The following UACA variants were observed in gnomAD, a reference collection of about 807,000 sequenced individuals.
UACA encodes nuclear membrane binding protein.
Under a neutral mutation model 160.5 loss-of-function variants are expected in UACA, and 112 were observed. The ratio of observed to expected loss-of-function variants is 0.70; its 90% CI spans 0.60 to 0.82. The LOEUF (loss-of-function observed/expected upper bound fraction) is 0.82, where lower values mean the gene tolerates loss of function less well. Among genes scored for constraint, UACA ranks in the 40% least tolerant of loss-of-function variants. UACA has a pLI of 0.00. For missense variants in UACA, 1,574 were observed against 1,614.6 expected (o/e 0.97, Z 0.43); for synonymous variants, 557 against 568.4 (o/e 0.98, Z 0.29).
At chr15:70,753,321 C>A (rs569015842) in intron 1 of UACA, among the ~76,000 whole-genome samples, 33 of 152,224 alleles carry the variant, frequency 2.2e-4, no homozygotes, top group African/African-American at 5.8e-4. Context: ...TTTTAAATAA[C>A]AGAATCTATT....
In UACA at chr15:70,663,582, C is replaced by T. The variant is rs147710568; in HGVS notation, c.4113+1080G>A. Among the ~76,000 whole-genome samples the T allele has an allele frequency of 2.5e-3, 382 of 152,070 alleles. 1 individual carries two copies. Among genetic ancestry groups the T allele is most frequent in the Non-Finnish European group, 4.3e-3 (295 of 67,972 alleles). Reference sequence around the variant, plus strand: ...GCTATAAAGACACATATGTTTATTGCGGCACTGTTCACAATAGCAAGGACT... The same window carrying T: ...GCTATAAAGACACATATGTTTATTGTGGCACTGTTCACAATAGCAAGGACT... On this transcript the variant is annotated intron_variant, in intron 17 of 18. Transcript: ENST00000322954.
Position 70,763,347 on chromosome 15 carries a change from C to G in UACA, c.61G>C (p.Ala21Pro). 3.7e-6 allele frequency: 5 copies of G among 1,333,826 alleles called. No individual in the cohort carries two copies. Among genetic ancestry groups the G allele is most frequent in the Non-Finnish European group, 4.8e-6 (5 of 1,036,828 alleles). 82.6% of individuals were successfully genotyped at this position (1,333,826 alleles called of 1,614,324 possible). A position where few individuals can be genotyped will look rare whatever the true frequency, so the allele number is the denominator to read the frequency against. Residue 21 changes from alanine (A) to proline (P), a missense_variant, in exon 1 of 19, where the codon GCC (alanine) becomes CCC (proline). Transcript: ENST00000322954. The part of the protein sequence containing the change: ...QDVPGPASSG[A>P]AAASAHAADW... ...GGACTCACCGCGCTGGCGGCGGCGG[C>G]GCCAGACGACGCGGGGCCGGGCACG...
chr15:70,699,175 T>C (rs1898238927), intron 2 of UACA, among the ~76,000 whole-genome samples: 1 of 152,148 alleles, frequency 6.6e-6, no homozygotes, highest in African/African-American at 2.4e-5. Flanking sequence ...GACCAAAGTA[T>C]TTAACCTCTG....
At chr15:70,703,144 G>A in intron 1 of UACA, 1 of 1,289,094 alleles carries the variant, frequency 7.8e-7, no homozygotes, top group Non-Finnish European at 1.0e-6. Context: ...ACATTACCAA[G>A]GCCGGTGCAA....
At chr15:70,713,750 G>A (rs1290938334) in intron 1 of UACA, among the ~76,000 whole-genome samples, 1 of 151,892 alleles carries the variant, frequency 6.6e-6, no homozygotes, top group African/African-American at 2.4e-5. Flanking sequence ...TTTATATTGA[G>A]CAATATTACC....
intron 1 of UACA, among the ~76,000 whole-genome samples, chr15:70,757,837 T>G (rs2030520656): frequency 6.6e-6 from 1 of 152,232 alleles, no homozygotes; most frequent in Non-Finnish European, 1.5e-5. Context: ...TCCAGAGTCC[T>G]AATCTTTGAC....
At chr15:70,686,234 A>C (rs1457663220) in intron 7 of UACA, among the ~76,000 whole-genome samples, 1 of 150,890 alleles carries the variant, frequency 6.6e-6, no homozygotes, top group Non-Finnish European at 1.5e-5. Context: ...TGGGTGCCGG[A>C]GGTGGTTGAG....
intron 1 of UACA, among the ~76,000 whole-genome samples, chr15:70,725,980 T>C (rs1475767349): frequency 6.6e-6 from 1 of 152,084 alleles, no homozygotes; most frequent in African/African-American, 2.4e-5. Context: ...ACCCCATAAA[T>C]ATATACAAAT....
At chr15:70,762,443 T>C (rs1171247088) in intron 1 of UACA, among the ~76,000 whole-genome samples, 1 of 152,266 alleles carries the variant, frequency 6.6e-6, no homozygotes, top group Admixed American at 6.5e-5. Flanking sequence ...CTTATTTTAA[T>C]GATATAGAAT....
intron 3 of UACA, 113 bp downstream of exon 3, chr15:70,694,904 A>G: frequency 1.1e-6 from 1 of 890,558 alleles, no homozygotes; most frequent in Non-Finnish European, 1.8e-6. Context: ...TTAAAAACAG[A>G]AAATTGAGGA....
intron 1 of UACA, chr15:70,701,797 C>T: frequency 1.5e-6 from 2 of 1,317,348 alleles, no homozygotes; most frequent in Non-Finnish European, 2.1e-6. Context: ...ATTAATAAAA[C>T]AGTAGTGCAT....
chr15:70,669,534 CT>C, intron 15 of UACA, 72 bp from the exon 16 acceptor site: 1 of 1,257,344 alleles, frequency 8.0e-7, no homozygotes, highest in Non-Finnish European at 1.1e-6. Context: ...ATTTGCCAAA[CT>C]TAGAGAAAGT....
At chr15:70,729,360 A>G (rs1021093781) in intron 1 of UACA, among the ~76,000 whole-genome samples, 2 of 152,220 alleles carry the variant, frequency 1.3e-5, no homozygotes, top group African/African-American at 4.8e-5. Flanking sequence ...AGCCATAAAA[A>G]AAGAATGAAA....
chr15:70,707,784 A>G (rs1456976246), intron 1 of UACA, among the ~76,000 whole-genome samples: 1 of 152,196 alleles, frequency 6.6e-6, no homozygotes, highest in Non-Finnish European at 1.5e-5. Context: ...AACAAGTGTT[A>G]GCAAGAATGT....
rs541997216 is a variant in UACA, at chr15:70,763,488, A to C, written c.-81T>G. On this transcript the variant is annotated 5_prime_UTR_variant, in exon 1 of 19. Transcript: ENST00000322954. Reference sequence around the variant, plus strand: ...GCAAGGAGTAGACGGCAGCGGCTGCAGCAGAGGCGGCGCGGGCTGTACCAG... The same window carrying C: ...GCAAGGAGTAGACGGCAGCGGCTGCCGCAGAGGCGGCGCGGGCTGTACCAG... 5 of 1,258,436 alleles carry C rather than the reference A, an allele frequency of 4.0e-6. No individual in the cohort carries two copies. The highest frequency in any genetic ancestry group is 4.2e-5 in the Admixed American group (1 of 23,652). The allele number at this position is 1,258,436 out of a possible 1,614,324, so 78.0% of individuals were successfully genotyped here.
chr15:70,718,813 G>C (rs576259110), intron 1 of UACA, among the ~76,000 whole-genome samples: 32 of 152,240 alleles, frequency 2.1e-4, no homozygotes, highest in Middle Eastern at 3.4e-3. Flanking sequence ...TATAGGCTTT[G>C]AAACCAGGTG....
At chr15:70,692,549 T>C (rs989187461) in intron 3 of UACA, among the ~76,000 whole-genome samples, 1 of 152,156 alleles carries the variant, frequency 6.6e-6, no homozygotes, top group African/African-American at 2.4e-5. Flanking sequence ...GGCAGGTGTA[T>C]TGCTTGAGCC....
chr15:70,674,154 C>T (rs1161011654), intron 13 of UACA, among the ~76,000 whole-genome samples: 1 of 152,148 alleles, frequency 6.6e-6, no homozygotes, highest in African/African-American at 2.4e-5. Context: ...AGACACCACA[C>T]CCAGGCAAAT....
intron 18 of UACA, among the ~76,000 whole-genome samples, chr15:70,657,500 C>T (rs575836904): frequency 2.0e-5 from 3 of 152,040 alleles, no homozygotes; most frequent in African/African-American, 7.2e-5. Flanking sequence ...GAGGCTGAGA[C>T]AGGAGAATCG....
Sources: gnomAD v4.1 joint callset for allele counts (sites outside exome capture counted in the v4.1 genomes callset) on GRCh38, gnomAD v4.1.1 for gene constraint, MANE v1.5 for transcripts, NCBI Gene and HGNC (gene_info 2026-07-23, HGNC 2026-07-21) for gene names.